Variants in SIN3B observed in about 807,000 individuals in gnomAD.
SIN3B encodes paired amphipathic helix protein Sin3b.
SIN3B carries 19 observed loss-of-function variants against 120.2 expected under a neutral mutation model. The ratio of observed to expected loss-of-function variants is 0.16; its 90% CI spans 0.11 to 0.23. The LOEUF is 0.23. SIN3B is among the 10% of genes least tolerant of loss of function. The pLI is 1.00. For missense variants in SIN3B, 1,073 were observed against 1,573.0 expected (o/e 0.68, Z 5.38); for synonymous variants, 654 against 653.2 (o/e 1.00, Z -0.02).
In SIN3B at chr19:16,862,637, G is replaced by A. The variant is rs1019401664; in HGVS notation, c.1266+78G>A. On this transcript the variant is annotated intron_variant, in intron 9 of 18. Coordinates refer to ENST00000248054, the MANE Select transcript of SIN3B (RefSeq NM_001297595.2). This position sits in a 1 kb window ranked among gnomAD's most constrained non-coding sequence, Gnocchi z 4.7. Reference sequence around the variant, plus strand: ...TCCCCAGCAAACACCCGATACCCCCGTTATGAATGAAATGCTGTGTGCTCA... The same window carrying A: ...TCCCCAGCAAACACCCGATACCCCCATTATGAATGAAATGCTGTGTGCTCA... The A allele has an allele frequency of 1.9e-5, 26 of 1,341,278 alleles. No individual in the cohort carries two copies. Among genetic ancestry groups the A allele is most frequent in the Admixed American group, 7.2e-5 (4 of 55,378 alleles). The allele number at this position is 1,341,278 out of a possible 1,614,324, so 83.1% of individuals were successfully genotyped here.
chr19:16,877,273 G>T lies in SIN3B; in HGVS notation c.2860-272G>T, dbSNP rs912755183. On this transcript the variant is annotated intron_variant, in intron 16 of 18. Coordinates refer to ENST00000248054, the MANE Select transcript of SIN3B (RefSeq NM_001297595.2). The stretch of plus-strand genomic sequence containing the variant: ...GTGCTCCTGCCAAAGGCTCTGGGGC[G>T]GATCCTTCCTGCTCTTCCAGCTTCC... 5 of 474,068 alleles carry T rather than the reference G, an allele frequency of 1.1e-5. No individual in the cohort carries two copies. The South Asian group carries it at 1.1e-4, about 10-fold the overall frequency. The allele number at this position is 474,068 out of a possible 1,614,324, so 29.4% of individuals were successfully genotyped here.
Position 16,840,387 on chromosome 19 carries a change from GGA to G in SIN3B, c.382-1375_382-1374del, listed in dbSNP as rs1022052589. Among the ~76,000 whole-genome samples, 161 of 152,186 alleles carry G rather than the reference GGA, an allele frequency of 1.1e-3. 3 individuals carry two copies. Among genetic ancestry groups the G allele is most frequent in the Admixed American group, 0.01 (157 of 15,280 alleles). ...CAGACAGTGGCCACCCACAAGCCAAGGAGAGAGTCCTTAGAGAAAACCAAACC... is the reference window on the plus strand; with the variant it reads ...CAGACAGTGGCCACCCACAAGCCAAGGAGAGTCCTTAGAGAAAACCAAACC... On this transcript the variant is annotated intron_variant, in intron 3 of 18. Transcript: ENST00000248054.
At chr19:16,871,599 G>T (rs150526852) in intron 14 of SIN3B, 148 of 554,788 alleles carry the variant, frequency 2.7e-4, no homozygotes, top group African/African-American at 1.9e-3. Flanking sequence ...TCACAATATT[G>T]TGCAACCACC....
Position 16,831,587 on chromosome 19 carries a change from A to G in SIN3B, c.321A>G (p.Gly107=). The change falls in exon 3 of 19, where the codon GGA becomes GGG. Residue 107 remains glycine, a synonymous_variant. Coordinates refer to ENST00000248054, the MANE Select transcript of SIN3B (RefSeq NM_001297595.2). ...GATTCAACGCTTTTCTTCCCCTCGG[A>G]TATAGAATAGACATTCCCAAGAATG... ...IVGFNAFLPL[G]YRIDIPKNGK... is the part of the protein sequence containing the mutation. 6.2e-7 allele frequency: 1 copy of G among 1,614,022 alleles called. No individual in the cohort carries two copies. The highest frequency in any genetic ancestry group is 8.5e-7 in the Non-Finnish European group (1 of 1,179,984).
rs1290962626 is a variant in SIN3B, at chr19:16,865,539, G to C, written c.1513G>C (p.Glu505Gln). The change falls in exon 11 of 19, where the codon GAG (glutamate) becomes CAG (glutamine). Residue 505 changes from glutamate to glutamine, a missense_variant. Physicochemically the swap from Glu to Gln is conservative, Grantham distance 29. This residue lies in a region of SIN3B where 118 missense variants were observed against 281.6 expected (regional missense o/e 0.42). Coordinates refer to ENST00000248054, the MANE Select transcript of SIN3B (RefSeq NM_001297595.2). ...GGACGACTCCCTGGGAGGCACGTCG[G>C]AGGTGATCCAGCGCCGTGCCATTTA... ...RLDDSLGGTS[E>Q]VIQRRAIYRI... The C allele has an allele frequency of 3.1e-6, 5 of 1,613,816 alleles. No homozygotes were observed. Among genetic ancestry groups the C allele is most frequent in the Middle Eastern group, 3.3e-4 (2 of 6,070 alleles).
intron 13 of SIN3B, among the ~76,000 whole-genome samples, chr19:16,871,004 C>T (rs927759315): frequency 1.1e-4 from 17 of 152,368 alleles, no homozygotes; most frequent in African/African-American, 1.9e-4. Flanking sequence ...ACAGCATTCT[C>T]GCTGCCATCC....
In SIN3B at chr19:16,835,162, G is replaced by A. The variant is rs145969353; in HGVS notation, c.381+3515G>A. 5.0e-4 allele frequency among the ~76,000 whole-genome samples: 76 copies of A among 151,432 alleles called. No homozygotes were observed. The East Asian group carries it at 0.014, about 29-fold the overall frequency. ...GCTGGTCTTGAACTCCCGACCTCACGTGATCTGCCTGCCTCGGCCTCCCAA... is the reference window on the plus strand; with the variant it reads ...GCTGGTCTTGAACTCCCGACCTCACATGATCTGCCTGCCTCGGCCTCCCAA... On this transcript the variant is annotated intron_variant, in intron 3 of 18. Coordinates refer to ENST00000248054, the MANE Select transcript of SIN3B (RefSeq NM_001297595.2).
At chr19:16,847,209 C>T (rs970939090) in intron 5 of SIN3B, 96 bp downstream of exon 5, 19 of 1,369,150 alleles carry the variant, frequency 1.4e-5, no homozygotes, top group African/African-American at 7.2e-5. Flanking sequence ...CCTATGTACC[C>T]TCCAGGCCAC....
intron 4 of SIN3B, among the ~76,000 whole-genome samples, chr19:16,844,928 A>G (rs1971461300): frequency 6.6e-6 from 1 of 152,114 alleles, no homozygotes; most frequent in East Asian, 1.9e-4. Flanking sequence ...GGGAACGCTG[A>G]GAGAGTGCAT....
chr19:16,848,561 A>C (rs1371164266), intron 5 of SIN3B, among the ~76,000 whole-genome samples: 1 of 151,170 alleles, frequency 6.6e-6, no homozygotes, highest in Non-Finnish European at 1.5e-5. Flanking sequence ...GCAGTGGCGT[A>C]ATTGATCACT....
intron 5 of SIN3B, among the ~76,000 whole-genome samples, chr19:16,850,741 C>T (rs1971533693): frequency 1.3e-5 from 2 of 152,172 alleles, no homozygotes; most frequent in East Asian, 3.9e-4. Flanking sequence ...CCTGTCCAGC[C>T]TTCCAGTATG....
At chr19:16,838,970 C>CTT (rs34648986) in intron 3 of SIN3B, among the ~76,000 whole-genome samples, 1,397 of 86,462 alleles carry the variant, frequency 0.016, 56 homozygotes, top group African/African-American at 0.053. Context: ...CCGCGCCTGG[C>CTT]TTTTTTTTTT....
In SIN3B at chr19:16,829,557, C is replaced by G; in HGVS notation, c.120+17C>G. Reference sequence around the variant, plus strand: ...CCGGTGCACGTGAGTGGCGTCCCCGCCCTCCCTCGGGGAACCCATCTTCTG... The same window carrying G: ...CCGGTGCACGTGAGTGGCGTCCCCGGCCTCCCTCGGGGAACCCATCTTCTG... On this transcript the variant is annotated intron_variant, in intron 1 of 18. Coordinates refer to ENST00000248054, the MANE Select transcript of SIN3B (RefSeq NM_001297595.2). 8.1e-7 allele frequency: 1 copy of G among 1,240,570 alleles called. No individual in the cohort carries two copies. Among genetic ancestry groups the G allele is most frequent in the East Asian group, 3.2e-5 (1 of 31,734 alleles). The allele number at this position is 1,240,570 out of a possible 1,614,324, so 76.8% of individuals were successfully genotyped here.
intron 4 of SIN3B, among the ~76,000 whole-genome samples, chr19:16,845,943 T>C (rs1263122218): frequency 1.3e-5 from 2 of 152,160 alleles, no homozygotes; most frequent in African/African-American, 4.8e-5. Context: ...AGATCAAGTG[T>C]AAAATTTTTT....
rs887725884 is a variant in SIN3B, at chr19:16,874,986, CTGGTTTGGTT to C, written c.2593-1058_2593-1049del. On this transcript the variant is annotated intron_variant, in intron 14 of 18. Transcript: ENST00000248054. ...TTGGTCTGGTCTGATTTGATTTGGT[CTGGTTTGGTT>C]TGGTTTGGTTAGGTTTTGGTTTGGT... 2.1e-5 allele frequency among the ~76,000 whole-genome samples: 3 copies of C among 139,766 alleles called. No homozygotes were observed. In the Admixed American group the frequency reaches 2.2e-4, roughly 10 times the overall value. 91.7% of individuals were successfully genotyped at this position (139,766 alleles called of 152,430 possible). A position where few individuals can be genotyped will look rare whatever the true frequency, so the allele number is the denominator to read the frequency against.
chr19:16,829,832 C>A lies in SIN3B; in HGVS notation c.162C>A (p.Arg54=). Residue 54 remains arginine, a synonymous_variant, in exon 2 of 19, where the codon CGC becomes CGA. Transcript: ENST00000248054. ...ALTYLDQVKI[R]FGSDPATYNG... is the part of the protein sequence containing the mutation. The stretch of plus-strand genomic sequence containing the variant: ...CCTATCTGGACCAGGTGAAGATCCG[C>A]TTTGGCAGCGACCCTGCCACCTACA... 6.2e-7 allele frequency: 1 copy of A among 1,613,742 alleles called. No homozygotes were observed. Among genetic ancestry groups the A allele is most frequent in the Non-Finnish European group, 8.5e-7 (1 of 1,179,796 alleles).
intron 10 of SIN3B, 50 bp from the exon 11 acceptor site, chr19:16,865,360 G>A (rs1971753168): frequency 1.5e-6 from 2 of 1,317,154 alleles, no homozygotes; most frequent in Admixed American, 1.8e-5. Context: ...CCTCTCTGAG[G>A]CCTCTTGAGT....
chr19:16,829,665 C>G, intron 1 of SIN3B, 125 bp downstream of exon 1: 1 of 1,236,610 alleles, frequency 8.1e-7, no homozygotes, highest in Non-Finnish European at 1.1e-6. Flanking sequence ...GCCCCGGACC[C>G]CTCACCCCTC....
chr19:16,855,236 C>T (rs1971596028), intron 8 of SIN3B: 1 of 152,110 alleles, frequency 6.6e-6, no homozygotes, highest in South Asian at 2.1e-4. Context: ...AAGTTCTGGC[C>T]TTGACCTTTT....
Sources: allele counts gnomAD v4.1 joint callset (sites outside exome capture counted in the v4.1 genomes callset), GRCh38; gene constraint gnomAD v4.1.1; regional missense constraint gnomAD v4.1.1; non-coding constraint Gnocchi (gnomAD v3.1); transcripts MANE v1.5; gene names NCBI Gene and HGNC (gene_info 2026-07-23, HGNC 2026-07-21).